Variants in DAB1 observed in about 807,000 individuals in gnomAD.
DAB1 encodes the protein DAB adaptor protein 1, also known as disabled homolog 1.
A neutral mutation model predicts 64.6 loss-of-function variants in DAB1; 15 were observed. The ratio of observed to expected loss-of-function variants is 0.23; its 90% CI spans 0.16 to 0.36. DAB1 has a LOEUF of 0.36. DAB1 is among the 10% of genes least tolerant of loss of function. DAB1 has a pLI of 1.00. For missense variants in DAB1, 596 were observed against 706.7 expected, an observed-to-expected ratio of 0.84 and a Z score of 1.78; for synonymous variants, 235 against 251.9, an observed-to-expected ratio of 0.93 and a Z score of 0.64.
chr1:57,897,766 C>A (rs886387790), intron 5 of DAB1, among the ~76,000 whole-genome samples: 2 of 152,134 alleles, frequency 1.3e-5, no homozygotes, highest in Non-Finnish European at 2.9e-5. Flanking sequence ...GAGCTTTGGA[C>A]ACCTTGTAGT....
At chr1:57,715,736 A>C (rs1647076291) in intron 6 of DAB1, among the ~76,000 whole-genome samples, 1 of 152,218 alleles carries the variant, frequency 6.6e-6, no homozygotes. Flanking sequence ...AGAGGTAAAA[A>C]AAGAATCCCT....
At chr1:57,314,198 G>T (rs1335145078) in intron 1 of DAB1, among the ~76,000 whole-genome samples, 1 of 152,212 alleles carries the variant, frequency 6.6e-6, no homozygotes, top group East Asian at 1.9e-4. Flanking sequence ...GAACATGGTT[G>T]TTCTCAATAG....
intron 7 of DAB1, among the ~76,000 whole-genome samples, chr1:57,595,749 A>G (rs900808263): frequency 2.0e-5 from 3 of 151,380 alleles, no homozygotes; most frequent in Admixed American, 2.0e-4. Context: ...TGCTATTCTC[A>G]TGATAGTGAA....
chr1:57,492,792 T>C (rs2101283737), intron 7 of DAB1, among the ~76,000 whole-genome samples: 1 of 152,326 alleles, frequency 6.6e-6, no homozygotes, highest in East Asian at 1.9e-4. Flanking sequence ...AATGACTTTT[T>C]GCATCTCCTT....
chr1:57,061,994 CAA>C (rs1172175356), intron 9 of DAB1, among the ~76,000 whole-genome samples: 11 of 152,176 alleles, frequency 7.2e-5, no homozygotes, highest in African/African-American at 2.7e-4. Context: ...TTGGCTGTGG[CAA>C]AGTCACATGT....
At chr1:57,122,409 C>T (rs559262925) in intron 4 of DAB1, among the ~76,000 whole-genome samples, 3 of 152,158 alleles carry the variant, frequency 2.0e-5, no homozygotes, top group Non-Finnish European at 4.4e-5. Context: ...TGGGATTTTA[C>T]ACCCTGTGGA....
intron 4 of DAB1, among the ~76,000 whole-genome samples, chr1:58,192,975 A>G (rs983596375): frequency 2.6e-5 from 4 of 152,150 alleles, no homozygotes; most frequent in African/African-American, 7.2e-5. Context: ...ATTTTGTGTT[A>G]TTTGTATTTT....
rs1017105446 is a variant in DAB1, at chr1:58,379,464, C to T, written n.258-36061G>A. Among the ~76,000 whole-genome samples, 25 of 152,274 alleles carry T rather than the reference C, an allele frequency of 1.6e-4. 1 individual carries two copies. The Middle Eastern group carries it at 0.01, about 62-fold the overall frequency. On this transcript the variant is annotated intron_variant and non_coding_transcript_variant, in intron 3 of 20. Transcript: ENST00000485760. ...TGTATTAATATCTACTGGAAATATT[C>T]GCACTGGAAACTCTAATTAGCTAAC...
chr1:58,427,411 A>C (rs774552480), intron 3 of DAB1, among the ~76,000 whole-genome samples: 82 of 152,292 alleles, frequency 5.4e-4, no homozygotes, highest in Non-Finnish European at 1.0e-3. Flanking sequence ...CAGCACCACC[A>C]AGGCTGTTTA....
At chr1:57,363,934 T>C (rs894873839) in intron 1 of DAB1, among the ~76,000 whole-genome samples, 22 of 152,178 alleles carry the variant, frequency 1.4e-4, no homozygotes, top group Admixed American at 4.6e-4. Context: ...CTAATTTCAG[T>C]CCTAGAGAGT....
chr1:58,060,637 G>A (rs1369832143), intron 5 of DAB1, among the ~76,000 whole-genome samples: 1 of 152,134 alleles, frequency 6.6e-6, no homozygotes, highest in Non-Finnish European at 1.5e-5. Flanking sequence ...GGGGTTTTCG[G>A]GGTCTCCTGC....
At chr1:58,489,602 C>G (rs1645640845) in intron 3 of DAB1, among the ~76,000 whole-genome samples, 1 of 152,212 alleles carries the variant, frequency 6.6e-6, no homozygotes, top group Non-Finnish European at 1.5e-5. Flanking sequence ...TAGTGGTTCT[C>G]CCAGCATGCA....
At position 57,440,749 on chromosome 1, in the gene DAB1, T is replaced by C. The variant is rs528733718; in HGVS notation, n.626-149583A>G. 2.0e-5 allele frequency among the ~76,000 whole-genome samples: 3 copies of C among 152,340 alleles called. No homozygotes were observed. The East Asian group carries it at 5.8e-4, about 29-fold the overall frequency. On this transcript the variant is annotated intron_variant and non_coding_transcript_variant, in intron 7 of 20. Transcript: ENST00000485760. ...GGAATATCCACAGGGTAATCAGAAG[T>C]CCAGAGTCTCTTCTGTATGTGTTCC...
At chr1:58,219,082 A>T (rs1397055417) in intron 4 of DAB1, among the ~76,000 whole-genome samples, 1 of 151,554 alleles carries the variant, frequency 6.6e-6, no homozygotes, top group Admixed American at 6.6e-5. Context: ...TCTTAAAAGC[A>T]TAAGAACATA....
At position 57,915,147 on chromosome 1, in the gene DAB1, A is replaced by G. The variant is rs1386912226; in HGVS notation, n.388-30985T>C. On this transcript the variant is annotated intron_variant and non_coding_transcript_variant, in intron 5 of 20. Coordinates refer to the DAB1 transcript ENST00000485760. ...TAAATCATAAAAAAAAAAAAAAAAG[A>G]ACTGGAAGGAAATACCCGGAAGGAA... Among the ~76,000 whole-genome samples, 7 of 110,066 alleles carry G rather than the reference A, an allele frequency of 6.4e-5. No homozygotes were observed. In the Admixed American group the frequency reaches 6.9e-4, roughly 11 times the overall value. The allele number at this position is 110,066 out of a possible 152,430, so 72.2% of individuals were successfully genotyped here.
chr1:57,568,244 T>C (rs530710097), intron 7 of DAB1, among the ~76,000 whole-genome samples: 1 of 152,268 alleles, frequency 6.6e-6, no homozygotes, highest in African/African-American at 2.4e-5. Flanking sequence ...TGAAACTGGA[T>C]CCCTTCCTTA....
intron 5 of DAB1, among the ~76,000 whole-genome samples, chr1:58,007,537 G>A (rs560999945): frequency 5.8e-4 from 89 of 152,278 alleles, no homozygotes; most frequent in African/African-American, 1.9e-3. Flanking sequence ...GCCTCACAAG[G>A]GCGGGCAACA....
At chr1:57,200,558 A>G (rs1345432799) in intron 2 of DAB1, among the ~76,000 whole-genome samples, 1 of 152,044 alleles carries the variant, frequency 6.6e-6, no homozygotes, top group Non-Finnish European at 1.5e-5. Context: ...TGAGTGTTTT[A>G]ATCTTTCTGG....
chr1:57,708,978 G>A (rs950973089), intron 6 of DAB1, among the ~76,000 whole-genome samples: 7 of 152,056 alleles, frequency 4.6e-5, no homozygotes, highest in Non-Finnish European at 7.4e-5. Context: ...ACAATCACAC[G>A]AGGGCTCTAT....
Sources: allele counts gnomAD v4.1 joint callset (sites outside exome capture counted in the v4.1 genomes callset), GRCh38; gene constraint gnomAD v4.1.1; transcripts MANE v1.5; gene names NCBI Gene and HGNC (gene_info 2026-07-23, HGNC 2026-07-21).